Variants in FHIT observed in about 807,000 individuals in gnomAD.
FHIT encodes the protein fragile histidine triad diadenosine triphosphatase.
A neutral mutation model predicts 17.9 loss-of-function variants in FHIT; 19 were observed. That is an observed-to-expected ratio of 1.06 (90% CI 0.74 to 1.56). FHIT has a LOEUF of 1.56. Ranked by LOEUF, FHIT falls within the 40% of genes most tolerant of loss-of-function variation. The pLI, the probability that FHIT is intolerant of heterozygous loss-of-function variation, is 0.00. For synonymous variants in FHIT, 81 were observed against 69.7 expected, an observed-to-expected ratio of 1.16 and a Z score of -0.81; for missense variants, 248 against 189.2, an observed-to-expected ratio of 1.31 and a Z score of -1.82.
intron 3 of FHIT, among the ~76,000 whole-genome samples, chr3:60,902,360 T>C (rs2107228855): frequency 6.6e-6 from 1 of 152,352 alleles, no homozygotes; most frequent in African/African-American, 2.4e-5. Context: ...TGGCATCCTA[T>C]TTTATGGATA....
chr3:60,533,033 A>T (rs2035843963), intron 5 of FHIT, among the ~76,000 whole-genome samples: 1 of 152,224 alleles, frequency 6.6e-6, no homozygotes, highest in Admixed American at 6.5e-5. Context: ...ACTGCCCTTA[A>T]AACACAGATT....
rs1182350375 is a variant in FHIT, at chr3:59,748,399, C to T, written c.*1186G>A. On this transcript the variant is annotated 3_prime_UTR_variant, in exon 10 of 10. Coordinates refer to ENST00000492590, the MANE Select transcript of FHIT (RefSeq NM_002012.4). ...AAAGAAAAGAAAGTGGGAGGGTAGC[C>T]TAGGCAGGATTCAGCATGATCTGAG... 1.3e-5 allele frequency among the ~76,000 whole-genome samples: 2 copies of T among 151,996 alleles called. No individual in the cohort carries two copies. Among genetic ancestry groups the T allele is most frequent in the Middle Eastern group, 3.4e-3 (1 of 294 alleles).
intron 1 of FHIT, among the ~76,000 whole-genome samples, chr3:61,232,776 G>A (rs144900020): frequency 4.9e-4 from 75 of 152,270 alleles, no homozygotes; most frequent in African/African-American, 1.8e-3. Context: ...AGGTTAACTT[G>A]GGCCCAGTTT....
chr3:60,715,928 A>C (rs1349375415), intron 4 of FHIT, among the ~76,000 whole-genome samples: 2 of 152,098 alleles, frequency 1.3e-5, no homozygotes, highest in Non-Finnish European at 2.9e-5. Flanking sequence ...TCTGTGAAGC[A>C]CCCTTTGAGC....
At chr3:61,247,616 C>A (rs747147925) in intron 1 of FHIT, among the ~76,000 whole-genome samples, 4 of 152,208 alleles carry the variant, frequency 2.6e-5, no homozygotes, top group Non-Finnish European at 4.4e-5. Context: ...GACAGGTTAT[C>A]AAGAGTTGTG....
At chr3:60,404,827 C>G (rs191886648) in intron 5 of FHIT, among the ~76,000 whole-genome samples, 3 of 152,178 alleles carry the variant, frequency 2.0e-5, no homozygotes. Context: ...CCTAACTCAC[C>G]AAGACAGAAG....
intron 2 of FHIT, among the ~76,000 whole-genome samples, chr3:61,092,126 G>A (rs1233915468): frequency 1.3e-5 from 2 of 151,070 alleles, no homozygotes; most frequent in African/African-American, 4.9e-5. Flanking sequence ...GTAGGGGGGT[G>A]GGGTTTGGGA....
At chr3:60,295,114 G>A (rs368152135) in intron 5 of FHIT, among the ~76,000 whole-genome samples, 2 of 152,252 alleles carry the variant, frequency 1.3e-5, no homozygotes, top group East Asian at 1.9e-4. Flanking sequence ...AGCCAGGTCA[G>A]TGGCACAGGC....
chr3:60,922,327 A>C (rs1443965421), intron 3 of FHIT, among the ~76,000 whole-genome samples: 1 of 152,162 alleles, frequency 6.6e-6, no homozygotes, highest in Non-Finnish European at 1.5e-5. Flanking sequence ...TTTAAACTCT[A>C]CAGTGTTCTC....
At position 60,393,144 on chromosome 3, in the gene FHIT, C is replaced by G. The variant is rs369254114; in HGVS notation, c.103+143716G>C. On this transcript the variant is annotated intron_variant, in intron 5 of 9. Coordinates refer to ENST00000492590, the MANE Select transcript of FHIT (RefSeq NM_002012.4). ...TTTTAAAAAGTCTGTAAAGGGCACT[C>G]ATTTTTCTTCAGTTAATAATGTAAT... Among the ~76,000 whole-genome samples, 7 of 152,162 alleles carry G rather than the reference C, an allele frequency of 4.6e-5. 1 individual carries two copies. Among genetic ancestry groups the G allele is most frequent in the Non-Finnish European group, 1.5e-5 (1 of 68,004 alleles).
chr3:60,020,586 T>C (rs1375626404), intron 5 of FHIT, among the ~76,000 whole-genome samples: 1 of 152,198 alleles, frequency 6.6e-6, no homozygotes, highest in Non-Finnish European at 1.5e-5. Context: ...GAGTCTGTAT[T>C]CATCTCGACT....
intron 1 of FHIT, among the ~76,000 whole-genome samples, chr3:61,220,801 T>C (rs920345675): frequency 1.5e-4 from 23 of 152,236 alleles, no homozygotes; most frequent in Non-Finnish European, 8.8e-5. Context: ...TTGAGTTTTG[T>C]TCTTGGTTTT....
chr3:60,136,712 G>C (rs947751689), intron 5 of FHIT, among the ~76,000 whole-genome samples: 1 of 152,256 alleles, frequency 6.6e-6, no homozygotes, highest in East Asian at 1.9e-4. Flanking sequence ...CAGTTGTTAA[G>C]ACCGCACATT....
intron 4 of FHIT, among the ~76,000 whole-genome samples, chr3:60,598,099 C>T (rs1365486349): frequency 6.6e-6 from 1 of 152,026 alleles, no homozygotes; most frequent in Non-Finnish European, 1.5e-5. Flanking sequence ...TCCTAAGCAC[C>T]CACCATCGAA....
chr3:60,660,729 C>CTTTTTTTTTTTGTTTTTTTTTTTTTT (rs2040223178), intron 4 of FHIT, among the ~76,000 whole-genome samples: 1 of 37,278 alleles, frequency 2.7e-5, no homozygotes, highest in Non-Finnish European at 5.5e-5. Context: ...TTATTGTGCT[C>CTTTTTTTTTTTGTTTTTTTTTTTTTT]TTTTTTTTTT....
intron 4 of FHIT, chr3:60,732,683 G>GTTTT: frequency 3.1e-5 from 6 of 193,154 alleles, no homozygotes; most frequent in Admixed American, 1.5e-4. Context: ...TGCAAAGACT[G>GTTTT]CTTTTTTTTT....
chr3:59,947,293 G>T (rs1042706788), intron 7 of FHIT, among the ~76,000 whole-genome samples: 9 of 152,132 alleles, frequency 5.9e-5, no homozygotes, highest in Non-Finnish European at 1.2e-4. Context: ...TCTAATTTGT[G>T]TGCATAGAAG....
chr3:59,798,717 T>G (rs1254287956), intron 8 of FHIT, among the ~76,000 whole-genome samples: 1 of 152,238 alleles, frequency 6.6e-6, no homozygotes, highest in Non-Finnish European at 1.5e-5. Context: ...CCCAACAGGA[T>G]GACCATGGGC....
chr3:60,105,564 G>C (rs763782023), intron 5 of FHIT, among the ~76,000 whole-genome samples: 1 of 152,084 alleles, frequency 6.6e-6, no homozygotes, highest in Non-Finnish European at 1.5e-5. Context: ...TAAGAATATT[G>C]CAACACCAAA....
Sources: allele counts gnomAD v4.1 joint callset (sites outside exome capture counted in the v4.1 genomes callset), GRCh38; gene constraint gnomAD v4.1.1; transcripts MANE v1.5; gene names NCBI Gene and HGNC (gene_info 2026-07-23, HGNC 2026-07-21).